BMPR1A: variants seen among roughly 807,000 people sequenced by gnomAD.
The protein encoded by BMPR1A is bone morphogenetic protein receptor type-1A.
Under a neutral mutation model 66.0 loss-of-function variants are expected in BMPR1A, and 7 were observed. That is an observed-to-expected ratio of 0.11 (90% CI 0.06 to 0.20). The LOEUF is 0.20. Among genes scored for constraint, BMPR1A ranks in the 10% least tolerant of loss-of-function variants. The pLI is 1.00. For synonymous variants in BMPR1A, 200 were observed against 229.7 expected (o/e 0.87, Z 1.17); for missense variants, 408 against 669.1 (o/e 0.61, Z 4.31).
At chr10:86,817,642 A>G (rs1485763962) in intron 1 of BMPR1A, among the ~76,000 whole-genome samples, 3 of 152,316 alleles carry the variant, frequency 2.0e-5, no homozygotes, top group East Asian at 1.9e-4. Flanking sequence ...CACAAAACCT[A>G]CTAAGACTAA....
intron 1 of BMPR1A, among the ~76,000 whole-genome samples, chr10:86,781,086 C>A (rs1324892804): frequency 6.6e-6 from 1 of 152,080 alleles, no homozygotes; most frequent in Non-Finnish European, 1.5e-5. Context: ...GAACTCTTGA[C>A]CTGGTGATCC....
intron 1 of BMPR1A, among the ~76,000 whole-genome samples, chr10:86,770,339 A>G (rs1453200795): frequency 5.3e-5 from 8 of 152,234 alleles, no homozygotes; most frequent in East Asian, 1.9e-4. Context: ...CTGAGCCCAG[A>G]AGGTTGAGGC....
At chr10:86,789,728 AAC>A (rs1212967863) in intron 1 of BMPR1A, among the ~76,000 whole-genome samples, 5 of 150,902 alleles carry the variant, frequency 3.3e-5, no homozygotes, top group African/African-American at 9.7e-5. Flanking sequence ...AAAAAAAACA[AAC>A]AAACACGTAA....
At chr10:86,928,034 G>C (rs1181230814), downstream of BMPR1A, 1 of 172,752 alleles carries the variant, frequency 5.8e-6, no homozygotes, top group Non-Finnish European at 1.3e-5. Context: ...CATCTGTTGA[G>C]ATTTTTGTAA....
At chr10:86,855,788 G>A in intron 2 of BMPR1A, 2 of 1,148,168 alleles carry the variant, frequency 1.7e-6, no homozygotes, top group Non-Finnish European at 2.5e-6. Flanking sequence ...AATACTTGTT[G>A]AATTTGGTCT....
At chr10:86,817,300 A>G (rs1380888183) in intron 1 of BMPR1A, among the ~76,000 whole-genome samples, 2 of 152,184 alleles carry the variant, frequency 1.3e-5, no homozygotes, top group African/African-American at 2.4e-5. Flanking sequence ...TGATGTCTCT[A>G]TGATCTTGAC....
intron 2 of BMPR1A, among the ~76,000 whole-genome samples, chr10:86,844,863 G>A (rs144726978): frequency 2.0e-5 from 3 of 152,234 alleles, no homozygotes; most frequent in African/African-American, 7.2e-5. Context: ...TGCAACTTCT[G>A]TCTCCTGGGT....
At chr10:86,772,262 C>T (rs1036185120) in intron 1 of BMPR1A, among the ~76,000 whole-genome samples, 9 of 151,334 alleles carry the variant, frequency 5.9e-5, no homozygotes, top group Admixed American at 3.3e-4. Context: ...TCCTGAGTAG[C>T]TGGGACTACA....
At chr10:86,844,248 A>T (rs565401361) in intron 2 of BMPR1A, among the ~76,000 whole-genome samples, 1 of 152,230 alleles carries the variant, frequency 6.6e-6, no homozygotes, top group South Asian at 2.1e-4. Flanking sequence ...TTACAAAAGC[A>T]GTTTTTAAGG....
intron 2 of BMPR1A, among the ~76,000 whole-genome samples, chr10:86,870,465 C>T (rs1842841851): frequency 6.6e-6 from 1 of 152,136 alleles, no homozygotes; most frequent in African/African-American, 2.4e-5. Flanking sequence ...CTCTGTTGCC[C>T]AGGCTGGAGT....
intron 1 of BMPR1A, among the ~76,000 whole-genome samples, chr10:86,812,644 A>G (rs1841987186): frequency 6.6e-6 from 1 of 152,202 alleles, no homozygotes. Context: ...GTTTTTAAAA[A>G]CAGACTGTTT....
At chr10:86,890,943 CAT>C in intron 4 of BMPR1A, among the ~76,000 whole-genome samples, 1 of 152,120 alleles carries the variant, frequency 6.6e-6, no homozygotes, top group South Asian at 2.1e-4. Context: ...GAAACATTGA[CAT>C]ATTGACTTAA....
chr10:86,893,571 C>T (rs998135050), intron 5 of BMPR1A, among the ~76,000 whole-genome samples: 2 of 152,174 alleles, frequency 1.3e-5, no homozygotes, highest in African/African-American at 4.8e-5. Context: ...GGGTGGATCA[C>T]GAGGTCTGGA....
intron 1 of BMPR1A, among the ~76,000 whole-genome samples, chr10:86,768,035 A>G (rs563544426): frequency 2.6e-5 from 4 of 152,356 alleles, no homozygotes; most frequent in Non-Finnish European, 5.9e-5. Context: ...AAATTCGGAC[A>G]GCCCCCTTGG....
intron 1 of BMPR1A, among the ~76,000 whole-genome samples, chr10:86,771,099 A>G (rs1841251365): frequency 6.6e-6 from 1 of 152,180 alleles, no homozygotes; most frequent in African/African-American, 2.4e-5. Context: ...GTATCATTTA[A>G]TTTTATCTCA....
chr10:86,810,397 A>G (rs1158905176), intron 1 of BMPR1A, among the ~76,000 whole-genome samples: 2 of 152,170 alleles, frequency 1.3e-5, no homozygotes, highest in Non-Finnish European at 2.9e-5. Context: ...GCATATTTGT[A>G]CAGGTTTTTG....
intron 7 of BMPR1A, among the ~76,000 whole-genome samples, chr10:86,909,984 G>A (rs538036965): frequency 2.0e-5 from 3 of 152,004 alleles, no homozygotes; most frequent in Non-Finnish European, 4.4e-5. Context: ...CTACAGATAT[G>A]GTAGAAAATT....
At position 86,760,224 on chromosome 10, in the gene BMPR1A, T is replaced by TTTTC. The variant is rs578087418; in HGVS notation, c.-268+3329_-268+3332dup. On this transcript the variant is annotated intron_variant, in intron 1 of 12. Transcript: ENST00000372037. Reference sequence around the variant, plus strand: ...TTTTTTTTTTTAATACCTTATTGTTTTTTCTTTCTTTCTTTCTTTCTTTCT... The same window carrying TTTTC: ...TTTTTTTTTTTAATACCTTATTGTTTTTTCTTTCTTTCTTTCTTTCTTTCTTTCT... 6.1e-4 allele frequency among the ~76,000 whole-genome samples: 55 copies of TTTTC among 89,440 alleles called. 1 individual carries two copies. The highest frequency in any genetic ancestry group is 5.8e-3 in the Middle Eastern group (1 of 172). 58.7% of individuals were successfully genotyped at this position (89,440 alleles called of 152,430 possible). A position where few individuals can be genotyped will look rare whatever the true frequency, so the allele number is the denominator to read the frequency against.
chr10:86,909,791 G>A (rs1412038017), intron 7 of BMPR1A, among the ~76,000 whole-genome samples: 1 of 151,926 alleles, frequency 6.6e-6, no homozygotes, highest in Non-Finnish European at 1.5e-5. Context: ...TAAATATTAA[G>A]TTCTATAAAT....
Sources: allele counts gnomAD v4.1 joint callset (sites outside exome capture counted in the v4.1 genomes callset), GRCh38; gene constraint gnomAD v4.1.1; transcripts MANE v1.5; gene names NCBI Gene and HGNC (gene_info 2026-07-23, HGNC 2026-07-21).